Variants in CD1A observed in about 807,000 individuals in gnomAD.
The protein encoded by CD1A is T-cell surface glycoprotein CD1a.
A neutral mutation model predicts 38.3 loss-of-function variants in CD1A; 50 were observed. That is an observed-to-expected ratio of 1.30 (90% CI 1.04 to 1.65). The LOEUF (loss-of-function observed/expected upper bound fraction) is 1.65. CD1A is among the 40% of genes most tolerant of loss of function. The pLI is 0.00. For synonymous variants in CD1A, 160 were observed against 150.8 expected (o/e 1.06, Z -0.45); for missense variants, 459 against 406.1 (o/e 1.13, Z -1.12).
upstream of CD1A, chr1:158,254,030 G>GTTTTTTTTTTTTTTTTTTTTTTTTTT (rs1398850181): frequency 4.4e-5 from 2 of 45,796 alleles, 1 homozygote; most frequent in African/African-American, 1.7e-4. Flanking sequence ...GTGTTCCTGT[G>GTTTTTTTTTTTTTTTTTTTTTTTTTT]GTTTTTTTTT....
At chr1:158,255,940 C>A in intron 2 of CD1A, 64 bp from the exon 3 acceptor site, 2 of 1,485,654 alleles carry the variant, frequency 1.3e-6, no homozygotes, top group Non-Finnish European at 1.8e-6. Context: ...CTTCTATAAT[C>A]TTTGCTTCTA....
chr1:158,254,769 GTCTCTC>G, intron 1 of CD1A, 42 bp downstream of exon 1: 1 of 1,169,734 alleles, frequency 8.5e-7, no homozygotes, highest in Non-Finnish European at 1.3e-6. Context: ...GTGGGTGAAG[GTCTCTC>G]TCTCTCTCTC....
Position 158,254,731 on chromosome 1 carries a change from A to C in CD1A, c.58+4A>C. On this transcript the variant is annotated splice_donor_region_variant and intron_variant, in intron 1 of 5. Transcript: ENST00000289429. ...CCAGGTGATGGCAATGCAGACGGTAAGAACTCTGACAACTGCCCAGTTGGG... is the reference window on the plus strand; with the variant it reads ...CCAGGTGATGGCAATGCAGACGGTACGAACTCTGACAACTGCCCAGTTGGG... 1 of 1,607,866 alleles carries C rather than the reference A, an allele frequency of 6.2e-7. No homozygotes were observed.
rs1336310043 is a variant in CD1A, at chr1:158,257,750, A to G, written c.*60A>G. 2 of 1,479,760 alleles carry G rather than the reference A, an allele frequency of 1.4e-6. No homozygotes were observed. The highest frequency in any genetic ancestry group is 1.9e-6 in the Non-Finnish European group (2 of 1,057,566). The allele number at this position is 1,479,760 out of a possible 1,614,324, so 91.7% of individuals were successfully genotyped here. On this transcript the variant is annotated 3_prime_UTR_variant, in exon 6 of 6. Coordinates refer to ENST00000289429, the MANE Select transcript of CD1A (RefSeq NM_001763.3). ...TTTGGGGTGAGAGACCAGCAGCCCA[A>G]GGGCTCCAGACACACCTGAACACAT... is the stretch of plus-strand genomic sequence containing the variant.
chr1:158,255,280 A>G lies in CD1A; in HGVS notation c.255A>G (p.Thr85=). Residue 85 remains threonine, a synonymous_variant, in exon 2 of 6, where the codon ACA becomes ACG. Coordinates refer to ENST00000289429, the MANE Select transcript of CD1A (RefSeq NM_001763.3). Reference sequence around the variant, plus strand: ...ATGAGGAGTGGAAGGAACTGGAAACATTATTCCGTATACGCACCATTCGGT... The same window carrying G: ...ATGAGGAGTGGAAGGAACTGGAAACGTTATTCCGTATACGCACCATTCGGT... The part of the protein sequence containing the change: ...FSNEEWKELE[T]LFRIRTIRSF... 1.2e-6 allele frequency: 2 copies of G among 1,614,116 alleles called. No individual in the cohort carries two copies. Among genetic ancestry groups the G allele is most frequent in the Non-Finnish European group, 1.7e-6 (2 of 1,179,998 alleles).
At chr1:158,253,397 A>C (rs796345284), upstream of CD1A, among the ~76,000 whole-genome samples, 1 of 152,236 alleles carries the variant, frequency 6.6e-6, no homozygotes, top group Admixed American at 6.5e-5. Context: ...CTAGTTTCTT[A>C]TAAGTAATAG....
chr1:158,254,785 CTGTG>C (rs55696033), intron 1 of CD1A, 58 bp downstream of exon 1: 62,893 of 655,922 alleles, frequency 0.096, 2,009 homozygotes, highest in Middle Eastern at 0.14. Flanking sequence ...CTCTCTCTCT[CTGTG>C]TGTGTGTGTG....
chr1:158,255,748 C>G (rs1339460230), intron 2 of CD1A, among the ~76,000 whole-genome samples: 2 of 152,284 alleles, frequency 1.3e-5, no homozygotes, highest in Non-Finnish European at 2.9e-5. Flanking sequence ...TCCCAGTTCT[C>G]TTACACCAGG....
Position 158,257,904 on chromosome 1 carries a change from TG to T in CD1A, c.*217del. ...GGATTTGTTGTTCTGACCTGGGTTC[TG>T]GGACTTTTAAATTCAAATTTTATCT... On this transcript the variant is annotated 3_prime_UTR_variant, in exon 6 of 6. Transcript: ENST00000289429. The T allele has an allele frequency of 1.8e-6, 1 of 552,984 alleles. No individual in the cohort carries two copies. The allele number at this position is 552,984 out of a possible 1,614,324, so 34.3% of individuals were successfully genotyped here. A position where few individuals can be genotyped will look rare whatever the true frequency, so the allele number is the denominator to read the frequency against.
At chr1:158,253,233 G>A (rs957949427), upstream of CD1A, among the ~76,000 whole-genome samples, 6 of 152,100 alleles carry the variant, frequency 3.9e-5, no homozygotes, top group Non-Finnish European at 7.3e-5. Flanking sequence ...CCCTTCAACA[G>A]TTACAAGCAG....
upstream of CD1A, among the ~76,000 whole-genome samples, chr1:158,250,883 G>A (rs1400745576): frequency 6.6e-6 from 1 of 152,164 alleles, no homozygotes; most frequent in East Asian, 1.9e-4. Flanking sequence ...GTTTTCCCAG[G>A]ACCCATTCCA....
chr1:158,256,103 G>T lies in CD1A; in HGVS notation c.425G>T (p.Ser142Ile). Reference sequence around the variant, plus strand: ...GCTTATCAAGGATCAGACTTTGTGAGCTTCCAGAACAATTCATGGTTGCCA... The same window carrying T: ...GCTTATCAAGGATCAGACTTTGTGATCTTCCAGAACAATTCATGGTTGCCA... ...QLAYQGSDFV[S>I]FQNNSWLPYP... Residue 142 changes from serine to isoleucine, a missense_variant, in exon 3 of 6, where the codon AGC becomes ATC. Coordinates refer to ENST00000289429, the MANE Select transcript of CD1A (RefSeq NM_001763.3). 2 of 1,614,186 alleles carry T rather than the reference G, an allele frequency of 1.2e-6. No homozygotes were observed. The highest frequency in any genetic ancestry group is 1.7e-6 in the Non-Finnish European group (2 of 1,180,038).
In CD1A at chr1:158,256,239, C is replaced by G. The variant is rs1465608539; in HGVS notation, c.561C>G (p.Ile187Met). 6.2e-7 allele frequency: 1 copy of G among 1,614,136 alleles called. No homozygotes were observed. The highest frequency in any genetic ancestry group is 1.7e-5 in the Admixed American group (1 of 60,010). ...TCAGTGACACCTGCCCACGTTTCAT[C>G]TTGGGTCTTCTTGATGCAGGAAAGG... is the stretch of plus-strand genomic sequence containing the variant. The part of the protein sequence containing the change: ...NLLSDTCPRF[I>M]LGLLDAGKAH... The change falls in exon 3 of 6, where the codon ATC becomes ATG. Residue 187 changes from isoleucine (I) to methionine (M), a missense_variant. Ile to Met is a conservative substitution (Grantham distance 10). Coordinates refer to ENST00000289429, the MANE Select transcript of CD1A (RefSeq NM_001763.3).
chr1:158,255,433 C>A, intron 2 of CD1A, 83 bp downstream of exon 2: 2 of 1,379,766 alleles, frequency 1.4e-6, no homozygotes, highest in Non-Finnish European at 2.0e-6. Flanking sequence ...AGGAAACAGC[C>A]TGACTCTCTT....
At chr1:158,251,832 T>C (rs1650095522), upstream of CD1A, among the ~76,000 whole-genome samples, 1 of 152,134 alleles carries the variant, frequency 6.6e-6, no homozygotes. Flanking sequence ...GCAGCAGGGC[T>C]TTCTGCCCTT....
At chr1:158,249,500 C>T (rs1650029154), upstream of CD1A, among the ~76,000 whole-genome samples, 7 of 152,112 alleles carry the variant, frequency 4.6e-5, no homozygotes, top group Admixed American at 4.6e-4. Flanking sequence ...AATCTAATCA[C>T]CTCCCAAAGG....
Position 158,254,581 on chromosome 1 carries a change from C to T in CD1A, c.-89C>T, listed in dbSNP as rs763632028. 6 of 1,602,486 alleles carry T rather than the reference C, an allele frequency of 3.7e-6. No individual in the cohort carries two copies. The highest frequency in any genetic ancestry group is 4.3e-6 in the Non-Finnish European group (5 of 1,174,700). On this transcript the variant is annotated 5_prime_UTR_variant, in exon 1 of 6. Transcript: ENST00000289429. ...TTGTCTGTTGGCTGCAGAAAGAAGT[C>T]AGAATAGAGATATCGTGGGGTAGGT...
In CD1A at chr1:158,257,792, T is replaced by C; in HGVS notation, c.*102T>C. 1 of 953,190 alleles carries C rather than the reference T, an allele frequency of 1.0e-6. No homozygotes were observed. The highest frequency in any genetic ancestry group is 1.7e-6 in the Non-Finnish European group (1 of 605,520). 59.0% of individuals were successfully genotyped at this position (953,190 alleles called of 1,614,324 possible). A position where few individuals can be genotyped will look rare whatever the true frequency, so the allele number is the denominator to read the frequency against. On this transcript the variant is annotated 3_prime_UTR_variant, in exon 6 of 6. Coordinates refer to ENST00000289429, the MANE Select transcript of CD1A (RefSeq NM_001763.3). ...TGAACACATCGTGATGATGACGTCC[T>C]CTCAACTCTCTTTGTAAAAATTTTG...
At chr1:158,249,420 A>G in the CD1A span, among the ~76,000 whole-genome samples, 7 of 152,178 alleles carry the variant, frequency 4.6e-5, no homozygotes, top group African/African-American at 1.7e-4. Flanking sequence ...TACATGGTGG[A>G]AGGGGTCAGG....
Sources: gnomAD v4.1 joint callset for allele counts (sites outside exome capture counted in the v4.1 genomes callset) on GRCh38, gnomAD v4.1.1 for gene constraint, MANE v1.5 for transcripts, NCBI Gene and HGNC (gene_info 2026-07-23, HGNC 2026-07-21) for gene names.